Variants in PPP1R9A observed in about 807,000 individuals in gnomAD.
The protein encoded by PPP1R9A is protein phosphatase 1 regulatory subunit 9A, also known as neurabin-1.
PPP1R9A carries 59 observed loss-of-function variants against 141.9 expected under a neutral mutation model. That is an observed-to-expected ratio of 0.42 (90% CI 0.34 to 0.52). The LOEUF (loss-of-function observed/expected upper bound fraction) is 0.52, where lower values mean the gene tolerates loss of function less well. Among genes scored for constraint, PPP1R9A ranks in the 20% least tolerant of loss-of-function variants. The probability of loss-of-function intolerance (pLI) is 0.10; values close to 1 mark genes in which losing one functional copy is unlikely to be tolerated. For missense variants in PPP1R9A, 1,444 were observed against 1,611.9 expected, an observed-to-expected ratio of 0.90 and a Z score of 1.78; for synonymous variants, 500 against 569.7, an observed-to-expected ratio of 0.88 and a Z score of 1.74.
At chr7:95,269,105 A>G in intron 13 of PPP1R9A, 102 bp from the exon 14 acceptor site, 1 of 1,170,762 alleles carries the variant, frequency 8.5e-7, no homozygotes, top group Non-Finnish European at 1.2e-6. Context: ...ACTGGTTTTC[A>G]TGGGGATTCA....
At chr7:95,012,864 A>G (rs1437554023) in intron 2 of PPP1R9A, among the ~76,000 whole-genome samples, 1 of 152,218 alleles carries the variant, frequency 6.6e-6, no homozygotes, top group Non-Finnish European at 1.5e-5. Flanking sequence ...GGCTGCCTTC[A>G]CAAAGTGAGT....
chr7:95,007,197 G>C (rs559230312), intron 2 of PPP1R9A, among the ~76,000 whole-genome samples: 51 of 152,196 alleles, frequency 3.4e-4, no homozygotes, highest in African/African-American at 1.2e-3. Context: ...TAAATTTTAG[G>C]TGCCTCATTG....
At chr7:95,282,303 G>A (rs1585625450) in intron 16 of PPP1R9A, among the ~76,000 whole-genome samples, 1 of 152,152 alleles carries the variant, frequency 6.6e-6, no homozygotes, top group East Asian at 1.9e-4. Flanking sequence ...CTGCACTCTA[G>A]CCTGGGTTAC....
At chr7:94,921,255 G>A (rs1792771411) in intron 2 of PPP1R9A, among the ~76,000 whole-genome samples, 1 of 151,954 alleles carries the variant, frequency 6.6e-6, no homozygotes, top group African/African-American at 2.4e-5. Flanking sequence ...GACCATCCTG[G>A]CGAACACTGT....
intron 2 of PPP1R9A, among the ~76,000 whole-genome samples, chr7:95,096,045 A>G (rs1456274895): frequency 1.3e-5 from 2 of 152,186 alleles, no homozygotes; most frequent in Non-Finnish European, 2.9e-5. Flanking sequence ...CATTTGAAGC[A>G]GTTTGAGATT....
chr7:95,224,889 T>TA (rs1320389007), intron 7 of PPP1R9A, among the ~76,000 whole-genome samples: 1 of 152,140 alleles, frequency 6.6e-6, no homozygotes, highest in African/African-American at 2.4e-5. Flanking sequence ...TTTTATGTGT[T>TA]AGATAACGTG....
In PPP1R9A at chr7:94,910,540, C is replaced by G; in HGVS notation, c.427C>G (p.Arg143Gly). 5 of 1,614,076 alleles carry G rather than the reference C, an allele frequency of 3.1e-6. No homozygotes were observed. Among genetic ancestry groups the G allele is most frequent in the Non-Finnish European group, 3.4e-6 (4 of 1,180,034 alleles). The change falls in exon 2 of 20, where the codon CGA (arginine) becomes GGA (glycine). Residue 143 changes from arginine to glycine, a missense_variant. Arg to Gly is a moderately radical substitution (Grantham distance 125). Around this residue, in one of 5 missense-constraint regions of PPP1R9A, gnomAD observed 490 missense variants for 521.1 expected, o/e 0.94. Transcript: ENST00000433360. The surrounding 1 kb of genome is among the most constrained non-coding windows in gnomAD (Gnocchi z 4.5). ...TTCATATTCCAAGTTCACTGAGACT[C>G]GAAAGATGTTTGAGAGAAGTGTGCA... is the stretch of plus-strand genomic sequence containing the variant. Reference protein sequence around the residue: ...GPSYSKFTETRKMFERSVHES... With the variant: ...GPSYSKFTETGKMFERSVHES...
chr7:95,074,336 A>G (rs1228762647), intron 2 of PPP1R9A, among the ~76,000 whole-genome samples: 1 of 151,954 alleles, frequency 6.6e-6, no homozygotes, highest in Non-Finnish European at 1.5e-5. Context: ...TTATTTCCCT[A>G]TTTTATATTA....
At chr7:94,997,790 C>A (rs188657867) in intron 2 of PPP1R9A, among the ~76,000 whole-genome samples, 1 of 152,280 alleles carries the variant, frequency 6.6e-6, no homozygotes, top group Non-Finnish European at 1.5e-5. Flanking sequence ...GCCCTACAAA[C>A]TCTGGCCTCT....
intron 4 of PPP1R9A, among the ~76,000 whole-genome samples, chr7:95,153,858 C>T (rs530741061): frequency 7.2e-5 from 11 of 152,262 alleles, no homozygotes; most frequent in African/African-American, 2.2e-4. Flanking sequence ...TCCTGATTCA[C>T]TCTCAGTAGG....
At chr7:95,112,378 T>C (rs1820720709) in intron 3 of PPP1R9A, among the ~76,000 whole-genome samples, 1 of 152,068 alleles carries the variant, frequency 6.6e-6, no homozygotes, top group African/African-American at 2.4e-5. Flanking sequence ...CTCACACCAG[T>C]CAGAACAGCT....
chr7:95,117,297 A>AG (rs1821697456), intron 3 of PPP1R9A, among the ~76,000 whole-genome samples: 1 of 152,114 alleles, frequency 6.6e-6, no homozygotes, highest in African/African-American at 2.4e-5. Context: ...CCACAGGAAT[A>AG]ATAAGTGGCC....
Position 94,985,038 on chromosome 7 carries a change from G to A in PPP1R9A, c.1395+73530G>A, listed in dbSNP as rs551933853. On this transcript the variant is annotated intron_variant, in intron 2 of 19. Transcript: ENST00000433360. ...AGAAATTCTGGTATGTTGTGTCTTC[G>A]TTCTCATTGGTTTCAAAGTACATCT... Among the ~76,000 whole-genome samples the A allele has an allele frequency of 2.6e-5, 4 of 152,116 alleles. No individual in the cohort carries two copies. The South Asian group carries it at 6.2e-4, about 24-fold the overall frequency.
intron 2 of PPP1R9A, among the ~76,000 whole-genome samples, chr7:95,086,747 G>A (rs1214611951): frequency 6.6e-6 from 1 of 151,884 alleles, no homozygotes; most frequent in Non-Finnish European, 1.5e-5. Context: ...CTCAAAAGGG[G>A]GCATGTAGCA....
intron 7 of PPP1R9A, among the ~76,000 whole-genome samples, chr7:95,208,956 T>TAAAAAAA (rs10670515): frequency 2.2e-4 from 17 of 76,904 alleles, no homozygotes; most frequent in African/African-American, 7.5e-4. Context: ...ATAGCAAAAC[T>TAAAAAAA]AAAAAAAAAA....
chr7:95,285,662 T>C (rs1331634239), intron 17 of PPP1R9A, among the ~76,000 whole-genome samples: 1 of 152,188 alleles, frequency 6.6e-6, no homozygotes, highest in East Asian at 1.9e-4. Context: ...ATGTAACTAC[T>C]AGTGTATTGT....
At chr7:95,041,993 G>A (rs1166661302) in intron 2 of PPP1R9A, among the ~76,000 whole-genome samples, 1 of 151,976 alleles carries the variant, frequency 6.6e-6, no homozygotes, top group Non-Finnish European at 1.5e-5. Flanking sequence ...ACATCCTTGG[G>A]AACAGGACAT....
chr7:95,243,782 G>A (rs560811251), intron 8 of PPP1R9A, among the ~76,000 whole-genome samples: 1 of 152,078 alleles, frequency 6.6e-6, no homozygotes, highest in South Asian at 2.1e-4. Flanking sequence ...CACAACACCT[G>A]CCCTGCCTCC....
intron 12 of PPP1R9A, among the ~76,000 whole-genome samples, chr7:95,263,742 T>C (rs774804312): frequency 3.3e-5 from 5 of 152,182 alleles, no homozygotes; most frequent in Non-Finnish European, 7.4e-5. Flanking sequence ...TGCAACTATA[T>C]GCATATGTTT....
Sources: allele counts gnomAD v4.1 joint callset (sites outside exome capture counted in the v4.1 genomes callset), GRCh38; gene constraint gnomAD v4.1.1; regional missense constraint gnomAD v4.1.1; non-coding constraint Gnocchi (gnomAD v3.1); transcripts MANE v1.5; gene names NCBI Gene and HGNC (gene_info 2026-07-23, HGNC 2026-07-21).